AKT3: variants seen among roughly 807,000 people sequenced by gnomAD.
AKT3 encodes AKT serine/threonine kinase 3, also known as RAC-gamma serine/threonine-protein kinase.
AKT3 carries 15 observed loss-of-function variants against 65.3 expected under a neutral mutation model. That is an observed-to-expected ratio of 0.23 (90% CI 0.15 to 0.35). The LOEUF (loss-of-function observed/expected upper bound fraction) is 0.35. Among genes scored for constraint, AKT3 ranks in the 10% least tolerant of loss-of-function variants. The probability of loss-of-function intolerance (pLI) is 1.00; values close to 1 mark genes in which losing one functional copy is unlikely to be tolerated. For missense variants in AKT3, 243 were observed against 576.5 expected (o/e 0.42, Z 5.92); for synonymous variants, 206 against 183.8 (o/e 1.12, Z -0.98).
chr1:243,555,705 A>AGGT (rs1673362190), intron 10 of AKT3, among the ~76,000 whole-genome samples: 1 of 152,168 alleles, frequency 6.6e-6, no homozygotes, highest in South Asian at 2.1e-4. Flanking sequence ...TATAATGGAC[A>AGGT]GGTACAACAA....
At chr1:243,667,813 G>C (rs914460257) in intron 3 of AKT3, among the ~76,000 whole-genome samples, 1 of 152,098 alleles carries the variant, frequency 6.6e-6, no homozygotes, top group African/African-American at 2.4e-5. Flanking sequence ...TACTTCCTTA[G>C]TACTCTCTTT....
At chr1:243,704,012 C>G (rs1685638503) in intron 2 of AKT3, among the ~76,000 whole-genome samples, 1 of 151,990 alleles carries the variant, frequency 6.6e-6, no homozygotes, top group Admixed American at 6.6e-5. Flanking sequence ...TTTCCTTGCC[C>G]TCAGGCAACT....
chr1:243,537,494 A>T (rs1487182129), intron 12 of AKT3, among the ~76,000 whole-genome samples: 1 of 152,132 alleles, frequency 6.6e-6, no homozygotes, highest in East Asian at 1.9e-4. Flanking sequence ...CAATTTCTTG[A>T]TAATTTCTAT....
chr1:243,578,404 G>A (rs1232902211), intron 8 of AKT3, among the ~76,000 whole-genome samples: 1 of 152,096 alleles, frequency 6.6e-6, no homozygotes, highest in African/African-American at 2.4e-5. Context: ...GGAGCTGGAA[G>A]CCATTATCCT....
At chr1:243,652,848 A>AT (rs1681477914) in intron 4 of AKT3, among the ~76,000 whole-genome samples, 1 of 151,526 alleles carries the variant, frequency 6.6e-6, no homozygotes, top group African/African-American at 2.4e-5. Context: ...AACAAAGATC[A>AT]TAAGAGACAA....
intron 2 of AKT3, chr1:243,794,196 C>A (rs1484806746): frequency 6.6e-6 from 1 of 152,142 alleles, no homozygotes; most frequent in Admixed American, 6.5e-5. Context: ...ACCATGCCCA[C>A]CTAATTTTTC....
intron 12 of AKT3, among the ~76,000 whole-genome samples, chr1:243,543,574 C>T (rs796504844): frequency 1.1e-4 from 17 of 152,242 alleles, no homozygotes; most frequent in African/African-American, 4.1e-4. Context: ...CTGGGAGAGA[C>T]AGCAAGCCCT....
At chr1:243,539,370 A>G (rs1209462498) in intron 12 of AKT3, among the ~76,000 whole-genome samples, 1 of 152,196 alleles carries the variant, frequency 6.6e-6, no homozygotes, top group Non-Finnish European at 1.5e-5. Context: ...CTATATTATA[A>G]AAATACAGTA....
In AKT3 at chr1:243,591,289, T is replaced by C. The variant is rs188391321; in HGVS notation, c.697-18241A>G. Among the ~76,000 whole-genome samples, 35 of 152,232 alleles carry C rather than the reference T, an allele frequency of 2.3e-4. 1 individual carries two copies. Among genetic ancestry groups the C allele is most frequent in the African/African-American group, 7.7e-4 (32 of 41,532 alleles). ...TCTCACATGGCAAAATAGAAAGATC[T>C]CCTAAAAACTATGGCATCTAACAGA... On this transcript the variant is annotated intron_variant, in intron 8 of 13. Coordinates refer to ENST00000673466, the MANE Select transcript of AKT3 (RefSeq NM_005465.7).
chr1:243,795,564 C>T (rs1420291889), intron 2 of AKT3, among the ~76,000 whole-genome samples: 27 of 146,072 alleles, frequency 1.8e-4, no homozygotes, highest in Admixed American at 1.6e-3. Context: ...CTCCGCCTCC[C>T]GGGTTCACGC....
chr1:243,648,991 C>T (rs764812473), intron 4 of AKT3, among the ~76,000 whole-genome samples: 11 of 151,972 alleles, frequency 7.2e-5, no homozygotes, highest in Admixed American at 5.9e-4. Context: ...CTTAAGTTAA[C>T]GATGTGAGAA....
intron 4 of AKT3, among the ~76,000 whole-genome samples, chr1:243,655,591 T>G (rs924243991): frequency 2.6e-5 from 4 of 152,182 alleles, no homozygotes; most frequent in Non-Finnish European, 5.9e-5. Flanking sequence ...TGAGTTTACA[T>G]TTGCTTTTAG....
At chr1:243,830,934 T>G (rs1319794548) in intron 2 of AKT3, among the ~76,000 whole-genome samples, 1 of 152,170 alleles carries the variant, frequency 6.6e-6, no homozygotes, top group Non-Finnish European at 1.5e-5. Flanking sequence ...GTCAGTTCTG[T>G]TTTGCTACAC....
intron 2 of AKT3, among the ~76,000 whole-genome samples, chr1:243,809,555 G>C (rs1023105693): frequency 6.6e-6 from 1 of 152,148 alleles, no homozygotes; most frequent in African/African-American, 2.4e-5. Context: ...GACCTACAAA[G>C]AGACTTAGAC....
chr1:243,589,413 G>A (rs2148546876), intron 8 of AKT3, among the ~76,000 whole-genome samples: 1 of 151,702 alleles, frequency 6.6e-6, no homozygotes, highest in South Asian at 2.1e-4. Flanking sequence ...CACGTGGCCA[G>A]CAGATACATG....
intron 8 of AKT3, among the ~76,000 whole-genome samples, chr1:243,577,723 A>G (rs934185967): frequency 1.3e-5 from 2 of 152,186 alleles, no homozygotes; most frequent in Non-Finnish European, 2.9e-5. Flanking sequence ...CTGCACAGCA[A>G]AAGAAACTAC....
intron 2 of AKT3, among the ~76,000 whole-genome samples, chr1:243,745,294 C>T (rs917425409): frequency 1.3e-5 from 2 of 152,130 alleles, no homozygotes; most frequent in East Asian, 1.9e-4. Flanking sequence ...GAGCTATGAT[C>T]ATGCCACTGC....
At chr1:243,492,390 C>T (rs368085550) in intron 13 of AKT3, among the ~76,000 whole-genome samples, 14 of 150,514 alleles carry the variant, frequency 9.3e-5, no homozygotes, top group African/African-American at 3.4e-4. Flanking sequence ...CAACCTCCGC[C>T]TCCCGGCTTC....
chr1:243,800,106 T>C (rs572014484), intron 2 of AKT3, among the ~76,000 whole-genome samples: 1 of 152,194 alleles, frequency 6.6e-6, no homozygotes, highest in African/African-American at 2.4e-5. Context: ...AACATGTTCA[T>C]TGAGCAATCT....
Sources: allele counts gnomAD v4.1 joint callset (sites outside exome capture counted in the v4.1 genomes callset), GRCh38; gene constraint gnomAD v4.1.1; transcripts MANE v1.5; gene names NCBI Gene and HGNC (gene_info 2026-07-23, HGNC 2026-07-21).